ARMH4: variants seen among roughly 807,000 people sequenced by gnomAD.
ARMH4 encodes the protein armadillo-like helical domain-containing protein 4.
ARMH4 carries 49 observed loss-of-function variants against 61.9 expected under a neutral mutation model. The observed-to-expected ratio is 0.79, with a 90% confidence interval of 0.63 to 1.00. The LOEUF (loss-of-function observed/expected upper bound fraction) is 1.00, where lower values mean the gene tolerates loss of function less well. Among genes scored for constraint, ARMH4 ranks in the 50% least tolerant of loss-of-function variants. The pLI, the probability that ARMH4 is intolerant of heterozygous loss-of-function variation, is 0.00. For missense variants in ARMH4, 934 were observed against 930.0 expected, an observed-to-expected ratio of 1.00 and a Z score of -0.06; for synonymous variants, 368 against 341.5, an observed-to-expected ratio of 1.08 and a Z score of -0.85.
At chr14:58,140,441 C>T (rs1460611444) in intron 1 of ARMH4, among the ~76,000 whole-genome samples, 1 of 150,108 alleles carries the variant, frequency 6.7e-6, no homozygotes, top group African/African-American at 2.5e-5. Flanking sequence ...ATTAGCCAGG[C>T]ATGGTGGCAC....
At chr14:58,097,030 G>C in intron 4 of ARMH4, 49 bp from the exon 5 acceptor site, 3 of 1,566,132 alleles carry the variant, frequency 1.9e-6, no homozygotes, top group South Asian at 1.1e-5. Flanking sequence ...ATGAGTTTAT[G>C]CTGAAACAAA....
At chr14:58,039,989 CAT>C (rs1217918142) in intron 5 of ARMH4, among the ~76,000 whole-genome samples, 1 of 152,034 alleles carries the variant, frequency 6.6e-6, no homozygotes, top group Non-Finnish European at 1.5e-5. Flanking sequence ...ACAACAATAA[CAT>C]AAAAAGTAAT....
Position 58,129,161 on chromosome 14 carries a change from T to C in ARMH4, c.1831+2351A>G, listed in dbSNP as rs150579298. 3.4e-3 allele frequency among the ~76,000 whole-genome samples: 514 copies of C among 152,312 alleles called. 1 individual carries two copies. The highest frequency in any genetic ancestry group is 0.012 in the African/African-American group (495 of 41,578). The stretch of plus-strand genomic sequence containing the variant: ...AGTTATGACAGCCCTTGAAAACTCA[T>C]ACCCCCTCTCAGTCATCATGTTGTA... On this transcript the variant is annotated intron_variant, in intron 4 of 7. Transcript: ENST00000267485.
intron 5 of ARMH4, among the ~76,000 whole-genome samples, chr14:58,056,128 G>A (rs1474314493): frequency 6.6e-6 from 1 of 152,178 alleles, no homozygotes; most frequent in East Asian, 1.9e-4. Context: ...ATTTTTTAGA[G>A]GGAGTGCCAC....
intron 4 of ARMH4, chr14:58,101,197 G>A (rs1885961890): frequency 6.6e-6 from 1 of 152,352 alleles, no homozygotes; most frequent in African/African-American, 2.4e-5. Flanking sequence ...TCGGTCATGA[G>A]AGCACCATAC....
At position 58,139,222 on chromosome 14, in the gene ARMH4, T is replaced by C. The variant is rs1470222491; in HGVS notation, c.137A>G (p.Gln46Arg). The change falls in exon 2 of 8, where the codon CAG becomes CGG. Residue 46 changes from glutamine (Q) to arginine (R), a missense_variant. Physicochemically the swap from Gln to Arg is conservative, Grantham distance 43. Transcript: ENST00000267485. ...EIAHVHAEKG[Q>R]SDKMNTDDLE... ...GTCATCGGTGTTCATCTTATCGGAC[T>C]GCCCTTTTTCCGCATGAACATGTGC... 1.2e-6 allele frequency: 2 copies of C among 1,614,258 alleles called. No homozygotes were observed.
chr14:58,047,507 C>T (rs571924949), intron 5 of ARMH4, among the ~76,000 whole-genome samples: 1 of 152,228 alleles, frequency 6.6e-6, no homozygotes, highest in East Asian at 1.9e-4. Context: ...GTAGGTACAG[C>T]CATTATCTCC....
chr14:58,060,388 T>A (rs529196256), intron 5 of ARMH4, among the ~76,000 whole-genome samples: 2 of 152,190 alleles, frequency 1.3e-5, no homozygotes, highest in Non-Finnish European at 2.9e-5. Flanking sequence ...GGAAGGCAAT[T>A]TGGTCCTAAT....
intron 5 of ARMH4, among the ~76,000 whole-genome samples, chr14:58,020,503 GTC>G (rs1422226423): frequency 6.6e-6 from 1 of 151,914 alleles, no homozygotes; most frequent in Non-Finnish European, 1.5e-5. Flanking sequence ...CCCTCCCCTT[GTC>G]TCTTTCTCTA....
At chr14:58,115,324 G>T (rs1455041116) in intron 4 of ARMH4, among the ~76,000 whole-genome samples, 1 of 152,038 alleles carries the variant, frequency 6.6e-6, no homozygotes, top group East Asian at 1.9e-4. Flanking sequence ...ATGAAAAAAT[G>T]CTCAACATCA....
At chr14:58,008,448 C>T (rs989934367) in intron 6 of ARMH4, among the ~76,000 whole-genome samples, 3 of 152,000 alleles carry the variant, frequency 2.0e-5, no homozygotes, top group Admixed American at 1.3e-4. Flanking sequence ...GCTAAATATA[C>T]TTGTTTTTGT....
rs1325293081 is a variant in ARMH4 at position 58,017,308 on chromosome 14, T to C, written c.2090-5158A>G. Among the ~76,000 whole-genome samples the C allele has an allele frequency of 3.3e-5, 5 of 152,158 alleles. No individual in the cohort carries two copies. The East Asian group carries it at 9.6e-4, about 29-fold the overall frequency. On this transcript the variant is annotated intron_variant, in intron 5 of 7. Transcript: ENST00000267485. ...CACCCTTGGCAACAGACCAACACCC[T>C]GTCTCAAAATAATAAGAGGAAGAAC...
Position 58,003,824 on chromosome 14 carries a change from A to G in ARMH4, c.*912T>C, listed in dbSNP as rs1053759722. 2.0e-5 allele frequency: 3 copies of G among 152,236 alleles called. No individual in the cohort carries two copies. The highest frequency in any genetic ancestry group is 4.4e-5 in the Non-Finnish European group (3 of 68,054). 9.4% of individuals were successfully genotyped at this position (152,236 alleles called of 1,614,324 possible). A position where few individuals can be genotyped will look rare whatever the true frequency, so the allele number is the denominator to read the frequency against. On this transcript the variant is annotated 3_prime_UTR_variant, in exon 8 of 8. Coordinates refer to ENST00000267485, the MANE Select transcript of ARMH4 (RefSeq NM_001001872.4). Reference sequence around the variant, plus strand: ...TGGTGGAGTCCACAGATGTGGAAATACAACACTCTGAATTAGTCACATTAG... The same window carrying G: ...TGGTGGAGTCCACAGATGTGGAAATGCAACACTCTGAATTAGTCACATTAG...
Position 58,138,198 on chromosome 14 carries a change from C to G in ARMH4, c.1161G>C (p.Glu387Asp). The part of the protein sequence containing the change: ...GTALLIAHGN[E>D]RSPAFTDQSS... ...TTTGATCAGTGAAAGCAGGTGATCT[C>G]TCATTCCCATGCGCTATTAGCAGGG... Residue 387 changes from glutamate (E) to aspartate (D), a missense_variant, in exon 2 of 8, where the codon GAG (glutamate) becomes GAC (aspartate). Physicochemically the swap from Glu to Asp is conservative, Grantham distance 45. Transcript: ENST00000267485. 1 of 1,614,192 alleles carries G rather than the reference C, an allele frequency of 6.2e-7. No individual in the cohort carries two copies. Among genetic ancestry groups the G allele is most frequent in the Non-Finnish European group, 8.5e-7 (1 of 1,180,028 alleles).
chr14:58,023,702 C>G (rs113445374), intron 5 of ARMH4, among the ~76,000 whole-genome samples: 78 of 152,278 alleles, frequency 5.1e-4, no homozygotes, highest in African/African-American at 1.8e-3. Context: ...GAATCATTAT[C>G]TATGGCAGTT....
intron 5 of ARMH4, among the ~76,000 whole-genome samples, chr14:58,049,825 G>C (rs72714784): frequency 0.038 from 5,809 of 152,314 alleles, 122 homozygotes; most frequent in South Asian, 0.05. Flanking sequence ...ATGACTTGGA[G>C]GCATGATGGT....
chr14:58,060,803 T>C (rs1279823009), intron 5 of ARMH4, among the ~76,000 whole-genome samples: 1 of 152,186 alleles, frequency 6.6e-6, no homozygotes, highest in African/African-American at 2.4e-5. Context: ...TCACGGTGTA[T>C]GTACAGCAAA....
chr14:58,013,493 T>C (rs1039500360), intron 5 of ARMH4, among the ~76,000 whole-genome samples: 2 of 152,188 alleles, frequency 1.3e-5, no homozygotes, highest in Non-Finnish European at 2.9e-5. Context: ...GCCCCTGGCA[T>C]AGATATACTT....
intron 4 of ARMH4, among the ~76,000 whole-genome samples, chr14:58,109,137 T>C (rs1886264068): frequency 6.6e-6 from 1 of 152,228 alleles, no homozygotes; most frequent in African/African-American, 2.4e-5. Context: ...TAGCATCCTT[T>C]TATAAAAGGT....
Sources: gnomAD v4.1 joint callset for allele counts (sites outside exome capture counted in the v4.1 genomes callset) on GRCh38, gnomAD v4.1.1 for gene constraint, MANE v1.5 for transcripts, NCBI Gene and HGNC (gene_info 2026-07-23, HGNC 2026-07-21) for gene names.